The following WIPF3 variants were observed in gnomAD, a reference collection of about 807,000 sequenced individuals.
The protein encoded by WIPF3 is WAS/WASL interacting protein family member 3.
Under a neutral mutation model 38.9 loss-of-function variants are expected in WIPF3, and 33 were observed. The observed-to-expected ratio is 0.85, with a 90% confidence interval of 0.64 to 1.14. The LOEUF (loss-of-function observed/expected upper bound fraction) is 1.14, where lower values mean the gene tolerates loss of function less well. WIPF3 is among the 50% of genes most tolerant of loss of function. WIPF3 has a pLI of 0.00. For synonymous variants in WIPF3, 324 were observed against 269.3 expected (o/e 1.20, Z -1.99); for missense variants, 711 against 652.5 (o/e 1.09, Z -0.98).
chr7:29,891,275 GC>G (rs1444521826), intron 7 of WIPF3, among the ~76,000 whole-genome samples: 2 of 147,466 alleles, frequency 1.4e-5, no homozygotes, highest in Non-Finnish European at 1.5e-5. Context: ...GGGGGCGAGG[GC>G]CTGCCCTGTG....
intron 5 of WIPF3, among the ~76,000 whole-genome samples, chr7:29,886,792 C>T (rs1196066996): frequency 1.3e-5 from 2 of 152,114 alleles, no homozygotes; most frequent in African/African-American, 4.8e-5. Flanking sequence ...AATGGGCCTA[C>T]TAATAACACC....
At chr7:29,894,921 T>G (rs541790705) in intron 7 of WIPF3, among the ~76,000 whole-genome samples, 11 of 147,368 alleles carry the variant, frequency 7.5e-5, no homozygotes, top group Admixed American at 1.3e-4. Flanking sequence ...GTGTTGTTGT[T>G]TTTTTTTGTT....
intron 7 of WIPF3, among the ~76,000 whole-genome samples, chr7:29,896,597 C>T (rs1183640455): frequency 7.8e-6 from 1 of 128,374 alleles, no homozygotes; most frequent in Non-Finnish European, 1.7e-5. Flanking sequence ...GCCTGGGTGC[C>T]AGAGCAAGAC....
At chr7:29,898,390 C>T (rs1166590636) in intron 7 of WIPF3, among the ~76,000 whole-genome samples, 1 of 152,152 alleles carries the variant, frequency 6.6e-6, no homozygotes, top group Non-Finnish European at 1.5e-5. Flanking sequence ...TCCCATTCTG[C>T]CCTAAGCCAC....
intron 8 of WIPF3, among the ~76,000 whole-genome samples, chr7:29,906,561 C>T (rs536993904): frequency 3.3e-5 from 5 of 151,838 alleles, no homozygotes; most frequent in Non-Finnish European, 7.4e-5. Context: ...CAGATTAACA[C>T]GCTTATTGTG....
intron 5 of WIPF3, 70 bp downstream of exon 5, chr7:29,884,663 A>G: frequency 1.3e-6 from 2 of 1,498,706 alleles, no homozygotes; most frequent in East Asian, 4.9e-5. Flanking sequence ...ACAGGACTTT[A>G]TTGTTGGAGG....
chr7:29,857,682 T>A (rs73686253), intron 2 of WIPF3, among the ~76,000 whole-genome samples: 1,683 of 152,316 alleles, frequency 0.011, 36 homozygotes, highest in African/African-American at 0.038. Context: ...GGGATGTTGA[T>A]GACTGTGGAG....
intron 7 of WIPF3, among the ~76,000 whole-genome samples, chr7:29,901,838 A>G (rs1342815636): frequency 6.9e-6 from 1 of 145,658 alleles, no homozygotes; most frequent in Non-Finnish European, 1.5e-5. Context: ...AAAAAAAAAA[A>G]AAAAAAAAAA....
intron 7 of WIPF3, among the ~76,000 whole-genome samples, chr7:29,903,163 G>A (rs1318257654): frequency 2.6e-5 from 4 of 151,814 alleles, no homozygotes; most frequent in Non-Finnish European, 5.9e-5. Context: ...ATGTGGTGAT[G>A]CACACCTGTG....
chr7:29,901,673 C>T (rs1227983676), intron 7 of WIPF3, among the ~76,000 whole-genome samples: 9 of 150,702 alleles, frequency 6.0e-5, no homozygotes, highest in Non-Finnish European at 1.2e-4. Context: ...TTTTTTACTA[C>T]CAAAAATATA....
At chr7:29,874,749 G>A (rs58389569) in intron 2 of WIPF3, among the ~76,000 whole-genome samples, 45,099 of 151,992 alleles carry the variant, frequency 0.3, 7,043 homozygotes, top group African/African-American at 0.38. Flanking sequence ...CTACTAACCC[G>A]TGGAAACCTC....
rs937204671 is a variant in WIPF3 at position 29,875,741 on chromosome 7, G to C, written c.91-89G>C. The C allele has an allele frequency of 1.9e-6, 3 of 1,539,504 alleles. No individual in the cohort carries two copies. In the African/African-American group the frequency reaches 4.1e-5, roughly 21 times the overall value. ...TTGGGAGTGGGACGGGGAAGACAGA[G>C]AACTGCAAGAGGAGAAACTGACAGC... On this transcript the variant is annotated intron_variant, in intron 2 of 8. Transcript: ENST00000242140.
At chr7:29,880,378 A>G (rs1224829586) in intron 4 of WIPF3, among the ~76,000 whole-genome samples, 1 of 152,174 alleles carries the variant, frequency 6.6e-6, no homozygotes, top group Non-Finnish European at 1.5e-5. Context: ...AGACTCTAGG[A>G]TATTTTGAGA....
At chr7:29,864,563 C>G (rs998504358) in intron 2 of WIPF3, among the ~76,000 whole-genome samples, 10 of 152,188 alleles carry the variant, frequency 6.6e-5, no homozygotes, top group Non-Finnish European at 4.4e-5. Context: ...CAAATACTGT[C>G]TGTATGGAAA....
chr7:29,882,268 C>G lies in WIPF3; in HGVS notation c.356-1582C>G, dbSNP rs181021300. Among the ~76,000 whole-genome samples, 345 of 152,306 alleles carry G rather than the reference C, an allele frequency of 2.3e-3. 2 individuals are homozygous for G. Among genetic ancestry groups the G allele is most frequent in the African/African-American group, 7.8e-3 (325 of 41,552 alleles). The stretch of plus-strand genomic sequence containing the variant: ...GGCTTTGCTCTGTTTTGTAAACTTT[C>G]ATTATCCCTTTCAATTTCATTCAGC... On this transcript the variant is annotated intron_variant, in intron 4 of 8. Coordinates refer to ENST00000242140, the MANE Select transcript of WIPF3 (RefSeq NM_001080529.3).
chr7:29,872,652 C>T (rs559464251), intron 2 of WIPF3, among the ~76,000 whole-genome samples: 1 of 151,884 alleles, frequency 6.6e-6, no homozygotes, highest in Non-Finnish European at 1.5e-5. Context: ...AAAAATTAGC[C>T]GGGCGTGGTG....
intron 2 of WIPF3, among the ~76,000 whole-genome samples, chr7:29,843,773 T>C (rs903508543): frequency 2.0e-5 from 3 of 152,164 alleles, no homozygotes; most frequent in African/African-American, 7.2e-5. Flanking sequence ...AAACTGTTCT[T>C]TCCTTCTTTA....
chr7:29,883,631 G>C (rs2128075456), intron 4 of WIPF3, among the ~76,000 whole-genome samples: 1 of 152,238 alleles, frequency 6.6e-6, no homozygotes, highest in Middle Eastern at 3.4e-3. Context: ...GGCCTGACCT[G>C]GGCTTGTCAT....
intron 2 of WIPF3, among the ~76,000 whole-genome samples, chr7:29,837,627 T>A (rs1166748556): frequency 6.6e-6 from 1 of 152,206 alleles, no homozygotes; most frequent in Non-Finnish European, 1.5e-5. Flanking sequence ...AAAATAATCA[T>A]GTAAATTTTA....
Sources: allele counts gnomAD v4.1 joint callset (sites outside exome capture counted in the v4.1 genomes callset), GRCh38; gene constraint gnomAD v4.1.1; transcripts MANE v1.5; gene names NCBI Gene and HGNC (gene_info 2026-07-23, HGNC 2026-07-21).